Variants in DPYD observed in about 807,000 individuals in gnomAD.
DPYD encodes the protein dihydropyrimidine dehydrogenase, also known as dihydropyrimidine dehydrogenase [NADP(+)].
DPYD carries 109 observed loss-of-function variants against 116.2 expected under a neutral mutation model. The ratio of observed to expected loss-of-function variants is 0.94; its 90% CI spans 0.80 to 1.10. The LOEUF (loss-of-function observed/expected upper bound fraction) is 1.10. Among genes scored for constraint, DPYD ranks in the 50% least tolerant of loss-of-function variants. The pLI, the probability that DPYD is intolerant of heterozygous loss-of-function variation, is 0.00. For missense variants in DPYD, 1,302 were observed against 1,254.5 expected (o/e 1.04, Z -0.57); for synonymous variants, 440 against 432.0 (o/e 1.02, Z -0.23).
At chr1:97,110,776 C>T (rs1032059096) in intron 20 of DPYD, among the ~76,000 whole-genome samples, 4 of 152,180 alleles carry the variant, frequency 2.6e-5, no homozygotes, top group Admixed American at 2.6e-4. Flanking sequence ...TAACAACAAT[C>T]TTTATTGTGC....
At chr1:97,646,107 C>T (rs560167662) in intron 8 of DPYD, among the ~76,000 whole-genome samples, 5 of 152,074 alleles carry the variant, frequency 3.3e-5, no homozygotes, top group African/African-American at 1.2e-4. Context: ...CTAAAGCATC[C>T]CAGGGCAAGT....
chr1:97,189,356 C>T (rs1349042737), intron 20 of DPYD, among the ~76,000 whole-genome samples: 1 of 152,176 alleles, frequency 6.6e-6, no homozygotes, highest in African/African-American at 2.4e-5. Context: ...TGTGGAAATG[C>T]ATGCAGATCC....
intron 17 of DPYD, 67 bp from the exon 18 acceptor site, chr1:97,305,445 C>A (rs1667102117): frequency 1.2e-6 from 2 of 1,602,808 alleles, no homozygotes; most frequent in Admixed American, 1.7e-5. Flanking sequence ...CCCATTCAAA[C>A]CCTCACATCC....
chr1:97,250,668 A>G (rs1663027507), intron 18 of DPYD, among the ~76,000 whole-genome samples: 1 of 152,210 alleles, frequency 6.6e-6, no homozygotes, highest in African/African-American at 2.4e-5. Context: ...GCAGGGAAGA[A>G]AGGTAAGAAA....
At chr1:97,734,582 A>G (rs998106326) in intron 4 of DPYD, among the ~76,000 whole-genome samples, 3 of 152,184 alleles carry the variant, frequency 2.0e-5, no homozygotes, top group Admixed American at 6.5e-5. Flanking sequence ...TCATTGTTAA[A>G]TATCTACCGC....
At chr1:97,499,142 T>A (rs529808653) in intron 13 of DPYD, among the ~76,000 whole-genome samples, 1 of 151,868 alleles carries the variant, frequency 6.6e-6, no homozygotes, top group East Asian at 1.9e-4. Context: ...AGGAGATATA[T>A]CTTTAAATAA....
intron 20 of DPYD, among the ~76,000 whole-genome samples, chr1:97,123,077 G>A (rs1652572387): frequency 6.6e-6 from 1 of 152,188 alleles, no homozygotes; most frequent in East Asian, 1.9e-4. Flanking sequence ...CCAGGGAATA[G>A]TAAAACATGA....
chr1:97,443,158 T>G (rs1463502640), intron 14 of DPYD, among the ~76,000 whole-genome samples: 1 of 152,164 alleles, frequency 6.6e-6, no homozygotes, highest in Non-Finnish European at 1.5e-5. Context: ...AAACAGAATT[T>G]TGTTAGGATA....
chr1:97,185,198 G>C lies in DPYD; in HGVS notation c.2622+7871C>G, dbSNP rs553016856. Among the ~76,000 whole-genome samples the C allele has an allele frequency of 1.1e-4, 17 of 152,200 alleles. No individual in the cohort carries two copies. The East Asian group carries it at 3.3e-3, about 29-fold the overall frequency. ...AATATTTGAATAGACAGTTCACAGAGTAAGATACATGGAAGGCCAATAAGA... is the reference window on the plus strand; with the variant it reads ...AATATTTGAATAGACAGTTCACAGACTAAGATACATGGAAGGCCAATAAGA... On this transcript the variant is annotated intron_variant, in intron 20 of 22. Coordinates refer to ENST00000370192, the MANE Select transcript of DPYD (RefSeq NM_000110.4).
chr1:97,605,376 G>T (rs1032274609), intron 8 of DPYD, among the ~76,000 whole-genome samples: 2 of 151,996 alleles, frequency 1.3e-5, no homozygotes, highest in African/African-American at 4.8e-5. Flanking sequence ...TTTCCCCCAT[G>T]CTGTTCTCAT....
At chr1:97,747,379 A>G (rs552796906) in intron 3 of DPYD, among the ~76,000 whole-genome samples, 5 of 152,176 alleles carry the variant, frequency 3.3e-5, no homozygotes, top group Non-Finnish European at 2.9e-5. Flanking sequence ...CCATAGATAA[A>G]AGCTCTGCTT....
chr1:97,708,378 G>T (rs1231920998), intron 5 of DPYD, among the ~76,000 whole-genome samples: 1 of 151,928 alleles, frequency 6.6e-6, no homozygotes, highest in East Asian at 1.9e-4. Context: ...GAAGTAGGGT[G>T]GTATAAATAT....
At chr1:97,625,288 ATAATTC>A (rs1656865596) in intron 8 of DPYD, among the ~76,000 whole-genome samples, 1 of 152,034 alleles carries the variant, frequency 6.6e-6, no homozygotes, top group Non-Finnish European at 1.5e-5. Context: ...CTATTGAGAA[ATAATTC>A]TAATTGGAAG....
intron 13 of DPYD, among the ~76,000 whole-genome samples, chr1:97,501,481 C>A (rs1679578126): frequency 1.3e-5 from 2 of 151,968 alleles, no homozygotes; most frequent in South Asian, 2.1e-4. Flanking sequence ...ACAGGAGGAT[C>A]ACTTGAGCCC....
chr1:97,465,385 T>A (rs1180734435), intron 13 of DPYD, among the ~76,000 whole-genome samples: 1 of 152,118 alleles, frequency 6.6e-6, no homozygotes, highest in Non-Finnish European at 1.5e-5. Context: ...TTTTGAAATG[T>A]GAGGACATGA....
intron 20 of DPYD, among the ~76,000 whole-genome samples, chr1:97,101,109 AT>A (rs1650651808): frequency 6.6e-6 from 1 of 151,822 alleles, no homozygotes; most frequent in Non-Finnish European, 1.5e-5. Context: ...AAAAAAAAAA[AT>A]ACCAAATATC....
At chr1:97,278,430 A>G (rs1298557042) in intron 18 of DPYD, among the ~76,000 whole-genome samples, 1 of 152,232 alleles carries the variant, frequency 6.6e-6, no homozygotes, top group Non-Finnish European at 1.5e-5. Context: ...ATGGACAGGG[A>G]AAGAGATGTG....
chr1:97,736,850 T>TGTGTGTGTGCATTTG (rs1663975706), intron 4 of DPYD, among the ~76,000 whole-genome samples: 1 of 142,024 alleles, frequency 7.0e-6, no homozygotes, highest in Non-Finnish European at 1.5e-5. Flanking sequence ...GTGTGTGCAT[T>TGTGTGTGTGCATTTG]TGTGTGTGTG....
intron 3 of DPYD, among the ~76,000 whole-genome samples, chr1:97,759,749 A>T (rs1665469235): frequency 6.6e-6 from 1 of 152,140 alleles, no homozygotes; most frequent in South Asian, 2.1e-4. Flanking sequence ...TTCTGATTTA[A>T]TTCACTTAAT....
Sources: gnomAD v4.1 joint callset for allele counts (sites outside exome capture counted in the v4.1 genomes callset) on GRCh38, gnomAD v4.1.1 for gene constraint, MANE v1.5 for transcripts, NCBI Gene and HGNC (gene_info 2026-07-23, HGNC 2026-07-21) for gene names.